The following SHLD1 variants were observed in gnomAD, a reference collection of about 807,000 sequenced individuals.
The protein encoded by SHLD1 is shieldin complex subunit 1, also known as RINN1-REV7-interacting novel NHEJ regulator 3.
SHLD1 carries 3 observed loss-of-function variants against 5.5 expected under a neutral mutation model. The observed-to-expected ratio is 0.54, with a 90% confidence interval of 0.25 to 1.40. SHLD1 has a LOEUF of 1.40. Among genes scored for constraint, SHLD1 ranks in the 40% most tolerant of loss-of-function variants. The pLI, the probability that SHLD1 is intolerant of heterozygous loss-of-function variation, is 0.15. For missense variants in SHLD1, 210 were observed against 244.4 expected (o/e 0.86, Z 0.94); for synonymous variants, 92 against 94.3 (o/e 0.98, Z 0.14).
At chr20:5,778,786 G>A (rs1274085092) in intron 2 of SHLD1, among the ~76,000 whole-genome samples, 1 of 152,126 alleles carries the variant, frequency 6.6e-6, no homozygotes, top group African/African-American at 2.4e-5. Flanking sequence ...AACGTGCTCA[G>A]GTTTATCTAT....
chr20:5,792,346 C>A, intron 2 of SHLD1, among the ~76,000 whole-genome samples: 1 of 152,158 alleles, frequency 6.6e-6, no homozygotes, highest in Admixed American at 6.6e-5. Flanking sequence ...GTCTTTAATC[C>A]ATTTTTGAAT....
intron 2 of SHLD1, among the ~76,000 whole-genome samples, chr20:5,851,498 A>AC (rs959985826): frequency 9.2e-5 from 14 of 151,826 alleles, no homozygotes; most frequent in Non-Finnish European, 1.5e-4. Context: ...TCTCCTTAAA[A>AC]AAAAAAAAAA....
intron 2 of SHLD1, among the ~76,000 whole-genome samples, chr20:5,817,432 C>CTCTGTGTGTG (rs1473391202): frequency 4.3e-4 from 37 of 85,664 alleles, no homozygotes; most frequent in African/African-American, 1.2e-3. Context: ...CTCTCTCTCT[C>CTCTGTGTGTG]TGTGTGTGTG....
intron 2 of SHLD1, among the ~76,000 whole-genome samples, chr20:5,814,951 C>T (rs1217837249): frequency 6.6e-6 from 1 of 151,980 alleles, no homozygotes; most frequent in African/African-American, 2.4e-5. Flanking sequence ...CTGCGCCCGG[C>T]CCCAAAATTA....
intron 2 of SHLD1, among the ~76,000 whole-genome samples, chr20:5,852,517 G>T (rs1411979745): frequency 6.6e-6 from 1 of 151,800 alleles, no homozygotes; most frequent in Non-Finnish European, 1.5e-5. Context: ...GAAGTGCAGT[G>T]GTGTGATCTG....
rs768397511 is a variant in SHLD1, at chr20:5,773,082, A to C, written c.178+39A>C. 12 of 1,600,676 alleles carry C rather than the reference A, an allele frequency of 7.5e-6. No individual in the cohort carries two copies. In the Admixed American group the frequency reaches 1.8e-4, roughly 24 times the overall value. ...TTTAAAACAAACTAACTTAAAAACA[A>C]CTAGCAGCAATACGGGTGTGTGATA... is the stretch of plus-strand genomic sequence containing the variant. On this transcript the variant is annotated intron_variant, in intron 2 of 2. Transcript: ENST00000303142.
At chr20:5,814,325 A>G (rs548609829) in intron 2 of SHLD1, among the ~76,000 whole-genome samples, 30 of 152,126 alleles carry the variant, frequency 2.0e-4, no homozygotes, top group Admixed American at 4.6e-4. Flanking sequence ...AGCATCTTTG[A>G]AAGTGTTAAA....
chr20:5,762,410 C>T (rs1348002652), intron 1 of SHLD1, among the ~76,000 whole-genome samples: 2 of 152,120 alleles, frequency 1.3e-5, no homozygotes, highest in African/African-American at 2.4e-5. Flanking sequence ...GAATTAACCC[C>T]ACAGGCCCAC....
rs185694497 is a variant in SHLD1 at position 5,788,820 on chromosome 20, C to T, written c.178+15777C>T. Among the ~76,000 whole-genome samples, 42 of 152,296 alleles carry T rather than the reference C, an allele frequency of 2.8e-4. No individual in the cohort carries two copies. The East Asian group carries it at 2.9e-3, about 10-fold the overall frequency. On this transcript the variant is annotated intron_variant, in intron 2 of 2. Transcript: ENST00000303142. ...GCTGGGTTGATTTCAGGCTAGAATA[C>T]ACACATGAATAGTGATGTCTAATTT...
Position 5,860,935 on chromosome 20 carries a change from A to G in SHLD1, c.179-2089A>G, listed in dbSNP as rs145652597. On this transcript the variant is annotated intron_variant, in intron 2 of 2. Transcript: ENST00000303142. Reference sequence around the variant, plus strand: ...AAGACGGGCCTGGGACATAGCTTTAAGCTTTCTGGAAACTAGTGTAGTGGA... The same window carrying G: ...AAGACGGGCCTGGGACATAGCTTTAGGCTTTCTGGAAACTAGTGTAGTGGA... Among the ~76,000 whole-genome samples, 1,007 of 150,204 alleles carry G rather than the reference A, an allele frequency of 6.7e-3. 10 individuals are homozygous for G. Among genetic ancestry groups the G allele is most frequent in the African/African-American group, 0.024 (968 of 40,936 alleles).
chr20:5,813,329 A>G (rs2087485314), intron 2 of SHLD1, among the ~76,000 whole-genome samples: 1 of 152,120 alleles, frequency 6.6e-6, no homozygotes, highest in Non-Finnish European at 1.5e-5. Flanking sequence ...CTCTACTAAA[A>G]ATACAAAAAA....
rs183018681 is a variant in SHLD1 at position 5,785,625 on chromosome 20, G to A, written c.178+12582G>A. On this transcript the variant is annotated intron_variant, in intron 2 of 2. Coordinates refer to ENST00000303142, the MANE Select transcript of SHLD1 (RefSeq NM_152504.4). ...AGCCTGGCCAACACAGTGAAACCCC[G>A]TCTCTACTAAAAATACAAAAATTAG... 2.3e-3 allele frequency among the ~76,000 whole-genome samples: 357 copies of A among 152,012 alleles called. 2 individuals are homozygous for A. The highest frequency in any genetic ancestry group is 6.8e-3 in the Middle Eastern group (2 of 294).
chr20:5,860,781 C>A (rs1170337064), intron 2 of SHLD1, among the ~76,000 whole-genome samples: 1 of 150,986 alleles, frequency 6.6e-6, no homozygotes, highest in African/African-American at 2.4e-5. Context: ...TTCCACCCAT[C>A]CTGGAGGCTT....
At chr20:5,844,608 G>C (rs2122476131) in intron 2 of SHLD1, among the ~76,000 whole-genome samples, 1 of 152,140 alleles carries the variant, frequency 6.6e-6, no homozygotes, top group South Asian at 2.1e-4. Flanking sequence ...TCCTCCTGCT[G>C]TGAGATGGGT....
intron 2 of SHLD1, among the ~76,000 whole-genome samples, chr20:5,794,466 A>T (rs544055704): frequency 2.6e-5 from 4 of 152,360 alleles, no homozygotes; most frequent in Admixed American, 2.6e-4. Flanking sequence ...AGTTATTCGG[A>T]TTAACACTGA....
chr20:5,805,659 G>A (rs2087363595), intron 2 of SHLD1, among the ~76,000 whole-genome samples: 1 of 152,176 alleles, frequency 6.6e-6, no homozygotes, highest in South Asian at 2.1e-4. Context: ...GGAGTGCAGT[G>A]GCGCAATCTC....
intron 2 of SHLD1, among the ~76,000 whole-genome samples, chr20:5,790,580 G>A (rs1000103510): frequency 6.6e-6 from 1 of 150,844 alleles, no homozygotes; most frequent in African/African-American, 2.4e-5. Context: ...AGCCTCCTGA[G>A]AAGCTGGGAT....
chr20:5,756,324 T>C lies in SHLD1; in HGVS notation c.-5+5845T>C, dbSNP rs561872217. 2.0e-5 allele frequency among the ~76,000 whole-genome samples: 3 copies of C among 152,312 alleles called. No individual in the cohort carries two copies. In the South Asian group the frequency reaches 6.2e-4, roughly 32 times the overall value. On this transcript the variant is annotated intron_variant, in intron 1 of 2. Transcript: ENST00000303142. ...AATTTTTAAGCATTATATTGATCTT[T>C]AGTGACCTAAATATCAAAGATATTT...
chr20:5,803,199 T>A (rs1443956586), intron 2 of SHLD1, among the ~76,000 whole-genome samples: 1 of 152,056 alleles, frequency 6.6e-6, no homozygotes, highest in Non-Finnish European at 1.5e-5. Context: ...AAAGTTTTGC[T>A]CTGTTACCCA....
Sources: allele counts gnomAD v4.1 joint callset (sites outside exome capture counted in the v4.1 genomes callset), GRCh38; gene constraint gnomAD v4.1.1; transcripts MANE v1.5; gene names NCBI Gene and HGNC (gene_info 2026-07-23, HGNC 2026-07-21).